The following DNAI1 variants were observed in gnomAD, a reference collection of about 807,000 sequenced individuals.
The protein encoded by DNAI1 is dynein, axonemal, intermediate polypeptide 1.
A neutral mutation model predicts 92.0 loss-of-function variants in DNAI1; 67 were observed. That is an observed-to-expected ratio of 0.73 (90% CI 0.60 to 0.89). DNAI1 has a LOEUF of 0.89. Among genes scored for constraint, DNAI1 ranks in the 40% least tolerant of loss-of-function variants. DNAI1 has a pLI of 0.00. For missense variants in DNAI1, 839 were observed against 866.6 expected (o/e 0.97, Z 0.40); for synonymous variants, 323 against 319.6 (o/e 1.01, Z -0.11).
At chr9:34,485,571 A>G in intron 4 of DNAI1, 54 bp downstream of exon 4, 1 of 1,541,832 alleles carries the variant, frequency 6.5e-7, no homozygotes, top group Non-Finnish European at 8.9e-7. Context: ...TTGGAGTGAC[A>G]GTGACTTGCT....
rs60433524 is a variant in DNAI1, at chr9:34,516,744, C to CTTTTCTT, written c.1819-537_1819-536insCTTTTTT. Among the ~76,000 whole-genome samples the CTTTTCTT allele has an allele frequency of 3.1e-3, 422 of 135,062 alleles. 6 individuals carry two copies. The highest frequency in any genetic ancestry group is 9.7e-3 in the African/African-American group (351 of 36,254). The allele number at this position is 135,062 out of a possible 152,430, so 88.6% of individuals were successfully genotyped here. A position where few individuals can be genotyped will look rare whatever the true frequency, so the allele number is the denominator to read the frequency against. Reference sequence around the variant, plus strand: ...GGTAGCTGCTATTTTCTTTTCTTTTCTTTTTTTTTTTTTTTGAGACAAGAT... The same window carrying CTTTTCTT: ...GGTAGCTGCTATTTTCTTTTCTTTTCTTTTCTTTTTTTTTTTTTTTTTGAGACAAGAT... On this transcript the variant is annotated intron_variant, in intron 18 of 19. Transcript: ENST00000242317.
chr9:34,479,196 T>A (rs1408978932), intron 1 of DNAI1, among the ~76,000 whole-genome samples: 1 of 151,874 alleles, frequency 6.6e-6, no homozygotes, highest in Non-Finnish European at 1.5e-5. Context: ...AGCACATGAG[T>A]GGTAGAACGG....
At chr9:34,461,146 T>C (rs1312236711) in intron 1 of DNAI1, among the ~76,000 whole-genome samples, 1 of 152,126 alleles carries the variant, frequency 6.6e-6, no homozygotes, top group East Asian at 1.9e-4. Context: ...CCAGCCAATT[T>C]TTGTATTTTT....
rs769349211 is a variant in DNAI1, at chr9:34,491,549, A to G, written c.676A>G (p.Asn226Asp). Residue 226 changes from asparagine (N) to aspartate (D), a missense_variant, in exon 8 of 20, where the codon AAT becomes GAT. Asn to Asp is a conservative substitution (Grantham distance 23, BLOSUM62 1). Coordinates refer to ENST00000242317, the MANE Select transcript of DNAI1 (RefSeq NM_012144.4). Reference protein sequence around the residue: ...PPRTNFSATANQWEIYDAYVE... With the variant: ...PPRTNFSATADQWEIYDAYVE... ...CAGGACAAACTTTTCAGCCACAGCC[A>G]ATCAGGTAAGACCCTGGGCCAGCCT... 1 of 1,614,180 alleles carries G rather than the reference A, an allele frequency of 6.2e-7. No individual in the cohort carries two copies. The highest frequency in any genetic ancestry group is 8.5e-7 in the Non-Finnish European group (1 of 1,180,016).
Position 34,485,124 on chromosome 9 carries a change from T to C in DNAI1, c.82-18T>C. 1 of 1,613,346 alleles carries C rather than the reference T, an allele frequency of 6.2e-7. No individual in the cohort carries two copies. The highest frequency in any genetic ancestry group is 8.5e-7 in the Non-Finnish European group (1 of 1,179,306). On this transcript the variant is annotated intron_variant, in intron 2 of 19. Transcript: ENST00000242317. ...GCAGAAAAGACACTCCCAAGCCTCA[T>C]GTGAGGTTTTTGTCTAGGATGAAGA...
At chr9:34,482,708 G>A (rs1209844960) in intron 1 of DNAI1, among the ~76,000 whole-genome samples, 2 of 152,280 alleles carry the variant, frequency 1.3e-5, no homozygotes, top group Non-Finnish European at 2.9e-5. Context: ...TCACCTAGTG[G>A]ATCCCCCACC....
intron 9 of DNAI1, among the ~76,000 whole-genome samples, chr9:34,496,423 C>T (rs1824726552): frequency 6.6e-6 from 1 of 152,260 alleles, no homozygotes; most frequent in Admixed American, 6.5e-5. Flanking sequence ...CTTTGCTCTT[C>T]TGTCAACCTG....
Position 34,517,445 on chromosome 9 carries a change from C to T in DNAI1, c.1979C>T (p.Pro660Leu). The T allele has an allele frequency of 6.2e-7, 1 of 1,614,162 alleles. No individual in the cohort carries two copies. ...RGHIISLKLSPNLRKMPKEKK... is the reference protein window; with the variant it reads ...RGHIISLKLSLNLRKMPKEKK... ...CACATCATCAGCCTCAAGCTCTCAC[C>T]CAATTTGCGCAAGATGCCAAAGGTA... is the stretch of plus-strand genomic sequence containing the variant. Residue 660 changes from proline (P) to leucine (L), a missense_variant, in exon 19 of 20, where the codon CCC becomes CTC. Physicochemically the swap from Pro to Leu is moderately conservative, Grantham distance 98 (BLOSUM62 -3). Transcript: ENST00000242317.
chr9:34,467,659 A>AAT lies in DNAI1; in HGVS notation c.48+8606_48+8607insAT, dbSNP rs1177806916. Among the ~76,000 whole-genome samples the AAT allele has an allele frequency of 6.6e-4, 96 of 145,292 alleles. 1 individual carries two copies. The highest frequency in any genetic ancestry group is 2.2e-3 in the African/African-American group (91 of 41,118). On this transcript the variant is annotated intron_variant, in intron 1 of 19. Transcript: ENST00000242317. ...TAAAATAAATAAATAAATAAAATGC[A>AAT]GTATATATATAACCTTAAAGACCTT... is the stretch of plus-strand genomic sequence containing the variant.
intron 1 of DNAI1, among the ~76,000 whole-genome samples, chr9:34,471,804 G>A (rs1824140252): frequency 6.6e-6 from 1 of 151,486 alleles, no homozygotes; most frequent in Non-Finnish European, 1.5e-5. Flanking sequence ...ATATTAACAG[G>A]ATAAAGAAGA....
chr9:34,516,517 C>T (rs867281513), intron 18 of DNAI1, among the ~76,000 whole-genome samples: 1 of 152,100 alleles, frequency 6.6e-6, no homozygotes, highest in African/African-American at 2.4e-5. Flanking sequence ...ACTGTCCTTG[C>T]ACTTTACATA....
chr9:34,489,127 TATTTC>T (rs1824529825), intron 4 of DNAI1, 191 bp from the exon 5 acceptor site: 1 of 613,110 alleles, frequency 1.6e-6, no homozygotes, highest in African/African-American at 1.8e-5. Context: ...AAAAAGATTT[TATTTC>T]ATTTGTCTTC....
chr9:34,484,690 T>C (rs924662423), intron 2 of DNAI1, among the ~76,000 whole-genome samples: 6 of 152,168 alleles, frequency 3.9e-5, no homozygotes, highest in Non-Finnish European at 5.9e-5. Context: ...ACAGAGAGTA[T>C]TGAGTAACCT....
chr9:34,510,471 A>G (rs935257835), intron 13 of DNAI1, among the ~76,000 whole-genome samples: 1 of 152,136 alleles, frequency 6.6e-6, no homozygotes, highest in African/African-American at 2.4e-5. Context: ...TAAATCAGTG[A>G]AGCAGGTTCC....
At chr9:34,505,020 CCTCT>C (rs1808192099) in intron 12 of DNAI1, among the ~76,000 whole-genome samples, 1 of 152,080 alleles carries the variant, frequency 6.6e-6, no homozygotes, top group Non-Finnish European at 1.5e-5. Flanking sequence ...TCTATGGGAG[CCTCT>C]CTCTCTGATT....
intron 10 of DNAI1, among the ~76,000 whole-genome samples, chr9:34,497,428 A>G (rs1824748901): frequency 6.6e-6 from 1 of 152,222 alleles, no homozygotes; most frequent in Non-Finnish European, 1.5e-5. Flanking sequence ...TGGTGCAGCA[A>G]AGAATACCTG....
rs574487074 is a variant in DNAI1, at chr9:34,518,551, G to C, written c.2001+1084G>C. Among the ~76,000 whole-genome samples the C allele has an allele frequency of 2.6e-4, 39 of 152,336 alleles. No homozygotes were observed. The East Asian group carries it at 6.7e-3, about 26-fold the overall frequency. On this transcript the variant is annotated intron_variant, in intron 19 of 19. Transcript: ENST00000242317. The stretch of plus-strand genomic sequence containing the variant: ...TGGGCTTGAGGGGAGGGAGGGAGTC[G>C]GGCGTGGTCTGAATCTCTTTGCTGA...
intron 1 of DNAI1, among the ~76,000 whole-genome samples, chr9:34,481,647 T>C (rs553614754): frequency 8.3e-4 from 127 of 152,330 alleles, no homozygotes; most frequent in Non-Finnish European, 1.5e-3. Flanking sequence ...TTCTTCCTTC[T>C]GGTGGGTTCG....
At chr9:34,494,126 TG>T (rs1824668683) in intron 9 of DNAI1, among the ~76,000 whole-genome samples, 1 of 151,976 alleles carries the variant, frequency 6.6e-6, no homozygotes, top group South Asian at 2.1e-4. Flanking sequence ...CACAGGAATC[TG>T]GGGGCTGGTT....
Sources: gnomAD v4.1 joint callset for allele counts (sites outside exome capture counted in the v4.1 genomes callset) on GRCh38, gnomAD v4.1.1 for gene constraint, MANE v1.5 for transcripts, NCBI Gene and HGNC (gene_info 2026-07-23, HGNC 2026-07-21) for gene names.